Variants in DISP2 observed in about 807,000 individuals in gnomAD.
The protein encoded by DISP2 is dispatched RND transporter family member 2.
DISP2 carries 59 observed loss-of-function variants against 95.5 expected under a neutral mutation model. The ratio of observed to expected loss-of-function variants is 0.62; its 90% CI spans 0.50 to 0.77. DISP2 has a LOEUF of 0.77. DISP2 is among the 30% of genes least tolerant of loss of function. DISP2 has a pLI of 0.00. For missense variants in DISP2, 1,752 were observed against 1,854.6 expected (o/e 0.94, Z 1.02); for synonymous variants, 827 against 815.0 (o/e 1.01, Z -0.25).
In DISP2 at chr15:40,375,375, T is replaced by C. The variant is rs1269460236; in HGVS notation, c.*5057T>C. 1.3e-5 allele frequency: 2 copies of C among 152,080 alleles called. No homozygotes were observed. Among genetic ancestry groups the C allele is most frequent in the African/African-American group, 2.4e-5 (1 of 41,392 alleles). 9.4% of individuals were successfully genotyped at this position (152,080 alleles called of 1,614,324 possible). A position where few individuals can be genotyped will look rare whatever the true frequency, so the allele number is the denominator to read the frequency against. ...AAAGAAAATCACACAGCTGAGCAGA[T>C]TGATGTAGATTTGAATTCATGACCA... On this transcript the variant is annotated 3_prime_UTR_variant, in exon 8 of 8. Coordinates refer to ENST00000267889, the MANE Select transcript of DISP2 (RefSeq NM_033510.3).
In DISP2 at chr15:40,375,714, G is replaced by A. The variant is rs1419988681; in HGVS notation, c.*5396G>A. 3 of 152,212 alleles carry A rather than the reference G, an allele frequency of 2.0e-5. No individual in the cohort carries two copies. The highest frequency in any genetic ancestry group is 7.2e-5 in the African/African-American group (3 of 41,440). The allele number at this position is 152,212 out of a possible 1,614,324, so 9.4% of individuals were successfully genotyped here. On this transcript the variant is annotated 3_prime_UTR_variant, in exon 8 of 8. Transcript: ENST00000267889. ...CCATCAATGGCTTCTCACACTTGGT[G>A]TCAGAGGCCTTCACACGAGGGTTTG...
rs1431146234 is a variant in DISP2 at position 40,367,712 on chromosome 15, G to A, written c.1600G>A (p.Ala534Thr). The change falls in exon 8 of 8, where the codon GCC becomes ACC. Residue 534 changes from alanine to threonine, a missense_variant. Coordinates refer to ENST00000267889, the MANE Select transcript of DISP2 (RefSeq NM_033510.3). ...LLVAFFLYQV[A>T]FRMAYFPFVN... ...GGTGGCCTTCTTCCTTTACCAGGTG[G>A]CCTTCCGCATGGCCTACTTCCCCTT... 1 of 1,613,418 alleles carries A rather than the reference G, an allele frequency of 6.2e-7. No individual in the cohort carries two copies. Among genetic ancestry groups the A allele is most frequent in the African/African-American group, 1.3e-5 (1 of 74,920 alleles).
At chr15:40,364,733 G>A (rs1487536282) in intron 4 of DISP2, 105 bp from the exon 5 acceptor site, 1 of 1,396,374 alleles carries the variant, frequency 7.2e-7, no homozygotes, top group South Asian at 1.4e-5. Flanking sequence ...AGGCAGGCGG[G>A]CTGGCCTTCC....
At chr15:40,359,285 G>A (rs1889370347) in intron 1 of DISP2, among the ~76,000 whole-genome samples, 1 of 152,200 alleles carries the variant, frequency 6.6e-6, no homozygotes, top group Non-Finnish European at 1.5e-5. Context: ...GGCATTCCTT[G>A]ATAGCAATAG....
At chr15:40,363,147 C>CAA (rs5812160) in intron 1 of DISP2, among the ~76,000 whole-genome samples, 75 of 134,856 alleles carry the variant, frequency 5.6e-4, no homozygotes, top group East Asian at 5.5e-3. Context: ...ACTGAAAATA[C>CAA]AAAAAAAAAA....
chr15:40,358,449 G>A lies in DISP2; in HGVS notation c.119+9G>A, dbSNP rs956212345. The A allele has an allele frequency of 7.7e-7, 1 of 1,305,222 alleles. No homozygotes were observed. Among genetic ancestry groups the A allele is most frequent in the Non-Finnish European group, 9.7e-7 (1 of 1,025,964 alleles). The allele number at this position is 1,305,222 out of a possible 1,614,324, so 80.9% of individuals were successfully genotyped here. A position where few individuals can be genotyped will look rare whatever the true frequency, so the allele number is the denominator to read the frequency against. On this transcript the variant is annotated intron_variant, in intron 1 of 7. Coordinates refer to ENST00000267889, the MANE Select transcript of DISP2 (RefSeq NM_033510.3). ...GGCGGCTCCCCGGACAGGTAGGGCG[G>A]ACAGCTCCGCAGATCCGTATCACAG... is the stretch of plus-strand genomic sequence containing the variant.
At chr15:40,360,058 GC>G (rs1889383649) in intron 1 of DISP2, among the ~76,000 whole-genome samples, 1 of 152,202 alleles carries the variant, frequency 6.6e-6, no homozygotes, top group African/African-American at 2.4e-5. Flanking sequence ...CCCTTATGGG[GC>G]TTCCAGGTTT....
At chr15:40,363,534 T>C in intron 1 of DISP2, 91 bp from the exon 2 acceptor site, 1 of 949,966 alleles carries the variant, frequency 1.1e-6, no homozygotes, top group South Asian at 1.9e-5. Context: ...CCTGTCCCCT[T>C]GTCTTGTCTT....
chr15:40,370,180 C>G lies in DISP2; in HGVS notation c.4068C>G (p.Ser1356=). The G allele has an allele frequency of 6.2e-7, 1 of 1,612,188 alleles. No individual in the cohort carries two copies. Among genetic ancestry groups the G allele is most frequent in the Non-Finnish European group, 8.5e-7 (1 of 1,179,374 alleles). ...ETVYDPSLPA[S]HHSSLSWKGR... is the part of the protein sequence containing the mutation. ...TGTATGACCCATCATTGCCCGCTTC[C>G]CATCACAGCAGCTTGTCCTGGAAGG... The change falls in exon 8 of 8, where the codon TCC becomes TCG. Residue 1356 remains serine, a synonymous_variant. Coordinates refer to ENST00000267889, the MANE Select transcript of DISP2 (RefSeq NM_033510.3).
At position 40,375,534 on chromosome 15, in the gene DISP2, C is replaced by CAAAAAAAAAAAA. The variant is rs61597311; in HGVS notation, c.*5221_*5232dup. On this transcript the variant is annotated 3_prime_UTR_variant, in exon 8 of 8. Coordinates refer to ENST00000267889, the MANE Select transcript of DISP2 (RefSeq NM_033510.3). ...TCACCTTCCCCCACCCCTCAGTGGA[C>CAAAAAAAAAAAA]AAAAAAAAAAAAAAAATTCTTCATG... The CAAAAAAAAAAAA allele has an allele frequency of 1.1e-5, 1 of 93,676 alleles. No homozygotes were observed. The highest frequency in any genetic ancestry group is 2.3e-5 in the Non-Finnish European group (1 of 42,888). 5.8% of individuals were successfully genotyped at this position (93,676 alleles called of 1,614,324 possible).
chr15:40,367,384 G>C lies in DISP2; in HGVS notation c.1272G>C (p.Gln424His). Reference sequence around the variant, plus strand: ...TTGACAGGGACTTTCTGAGTCCCCAGACCACTGACTACCAGGTGCCTTCCC... The same window carrying C: ...TTGACAGGGACTTTCTGAGTCCCCACACCACTGACTACCAGGTGCCTTCCC... The part of the protein sequence containing the change: ...FLLDRDFLSP[Q>H]TTDYQVPSLK... The change falls in exon 8 of 8, where the codon CAG becomes CAC. Residue 424 changes from glutamine to histidine, a missense_variant. By Grantham distance (24) the Gln-to-His change is conservative. Coordinates refer to ENST00000267889, the MANE Select transcript of DISP2 (RefSeq NM_033510.3). 1 of 1,613,436 alleles carries C rather than the reference G, an allele frequency of 6.2e-7. No homozygotes were observed. Among genetic ancestry groups the C allele is most frequent in the South Asian group, 1.1e-5 (1 of 91,034 alleles).
In DISP2 at chr15:40,370,276, G is replaced by C; in HGVS notation, c.4164G>C (p.Trp1388Cys). 1 of 1,559,414 alleles carries C rather than the reference G, an allele frequency of 6.4e-7. No individual in the cohort carries two copies. The highest frequency in any genetic ancestry group is 8.7e-7 in the Non-Finnish European group (1 of 1,152,596). ...PNSQPDLPDVWLRRPSTHTSG... is the reference protein window; with the variant it reads ...PNSQPDLPDVCLRRPSTHTSG... ...GCCAGCCAGACCTGCCAGATGTTTG[G>C]CTGCGCAGGCCCAGCACTCACACGT... Residue 1388 changes from tryptophan to cysteine, a missense_variant, in exon 8 of 8, where the codon TGG becomes TGC. Coordinates refer to ENST00000267889, the MANE Select transcript of DISP2 (RefSeq NM_033510.3).
Position 40,370,044 on chromosome 15 carries a change from A to T in DISP2, c.3932A>T (p.Asp1311Val). 6.2e-7 allele frequency: 1 copy of T among 1,614,094 alleles called. No individual in the cohort carries two copies. Among genetic ancestry groups the T allele is most frequent in the Non-Finnish European group, 8.5e-7 (1 of 1,180,012 alleles). ...STSEPSARVPDSVGVSPDDLD... is the reference protein window; with the variant it reads ...STSEPSARVPVSVGVSPDDLD... ...TCTGAGCCCAGTGCCCGTGTACCAG[A>T]TTCCGTGGGTGTGTCCCCAGATGAC... The change falls in exon 8 of 8, where the codon GAT (aspartate) becomes GTT (valine). Residue 1311 changes from aspartate (D) to valine (V), a missense_variant. Around this residue, in one of 5 missense-constraint regions of DISP2, gnomAD observed 347 missense variants for 344.2 expected, o/e 1.01. Coordinates refer to ENST00000267889, the MANE Select transcript of DISP2 (RefSeq NM_033510.3).
Position 40,364,884 on chromosome 15 carries a change from G to A in DISP2, c.650G>A (p.Trp217Ter). ...DTDIGSKLVVWRALQALTGPR... is the reference protein window; with the variant it reads ...DTDIGSKLVV ...GACATTGGGAGCAAGTTAGTGGTCT[G>A]GAGAGCACTACAAGCCCTCACAGGC... The change falls in exon 5 of 8, where the codon TGG (tryptophan) becomes TAG (stop). Residue 217 changes from tryptophan (W) to a stop codon, truncating the protein, a stop_gained. Coordinates refer to ENST00000267889, the MANE Select transcript of DISP2 (RefSeq NM_033510.3). LOFTEE classifies it high-confidence loss of function. 2.5e-6 allele frequency: 4 copies of A among 1,614,108 alleles called. No individual in the cohort carries two copies. The highest frequency in any genetic ancestry group is 3.4e-6 in the Non-Finnish European group (4 of 1,179,998).
chr15:40,365,180 C>CAG lies in DISP2; in HGVS notation c.756_757dup (p.Gly253GlufsTer170). 1 of 1,614,174 alleles carries CAG rather than the reference C, an allele frequency of 6.2e-7. No homozygotes were observed. The highest frequency in any genetic ancestry group is 1.1e-5 in the South Asian group (1 of 91,080). On this transcript the variant is annotated frameshift_variant, in exon 6 of 8. Transcript: ENST00000267889. LOFTEE classifies it high-confidence loss of function. ...CCCACAACACTCTGAGGCCTGCACCCAGAGGCAGTGCCCAGGAGAGCGCTG... is the reference window on the plus strand; with the variant it reads ...CCCACAACACTCTGAGGCCTGCACCCAGAGAGGCAGTGCCCAGGAGAGCGCTG...
At position 40,365,709 on chromosome 15, in the gene DISP2, G is replaced by T. The variant is rs778292880; in HGVS notation, c.929G>T (p.Arg310Leu). 1 of 1,614,012 alleles carries T rather than the reference G, an allele frequency of 6.2e-7. No individual in the cohort carries two copies. Among genetic ancestry groups the T allele is most frequent in the Non-Finnish European group, 8.5e-7 (1 of 1,179,980 alleles). The change falls in exon 7 of 8, where the codon CGC (arginine) becomes CTC (leucine). Residue 310 changes from arginine (R) to leucine (L), a missense_variant. Physicochemically the swap from Arg to Leu is moderately radical, Grantham distance 102. Coordinates refer to ENST00000267889, the MANE Select transcript of DISP2 (RefSeq NM_033510.3). ...CTGCATGCCATCCATTCCATGTGTCGCATGGAACAGGACCAGGTGAGCTGG... is the reference window on the plus strand; with the variant it reads ...CTGCATGCCATCCATTCCATGTGTCTCATGGAACAGGACCAGGTGAGCTGG... ...WNLHAIHSMC[R>L]MEQDQIRSHT...
chr15:40,368,921 A>G lies in DISP2; in HGVS notation c.2809A>G (p.Met937Val). 6.2e-7 allele frequency: 1 copy of G among 1,613,854 alleles called. No individual in the cohort carries two copies. Among genetic ancestry groups the G allele is most frequent in the Non-Finnish European group, 8.5e-7 (1 of 1,180,030 alleles). Residue 937 changes from methionine (M) to valine (V), a missense_variant, in exon 8 of 8, where the codon ATG becomes GTG. This residue lies in a region of DISP2 where 317 missense variants were observed against 394.9 expected (regional missense o/e 0.80). Coordinates refer to ENST00000267889, the MANE Select transcript of DISP2 (RefSeq NM_033510.3). ...VSHWLAAELG[M>V]APPGLRRGWF... is the part of the protein sequence containing the mutation. ...CCACTGGCTGGCAGCGGAGCTGGGC[A>G]TGGCACCTCCAGGCCTCCGCCGTGG... is the stretch of plus-strand genomic sequence containing the variant.
rs372021067 is a variant in DISP2 at position 40,367,879 on chromosome 15, C to T, written c.1767C>T (p.Phe589=). ...AQRVGRTMHH[F]GYLLLVSGLT... is the part of the protein sequence containing the mutation. ...GCGTGGGCCGCACCATGCACCACTT[C>T]GGCTACCTGCTGCTGGTCTCCGGCC... The change falls in exon 8 of 8, where the codon TTC becomes TTT. Residue 589 remains phenylalanine (F), a synonymous_variant. Transcript: ENST00000267889. 3.1e-5 allele frequency: 49 copies of T among 1,599,230 alleles called. No homozygotes were observed. The highest frequency in any genetic ancestry group is 4.5e-5 in the East Asian group (2 of 44,858).
In DISP2 at chr15:40,369,252, AC is replaced by A; in HGVS notation, c.3142del (p.Arg1048AlafsTer2). Reference protein sequence around the residue: ...CISYHLCPHPDRLSRVAFSLR... With the variant: ...CISYHLCPHPXRLSRVAFSLR... Reference sequence around the variant, plus strand: ...TCCTATCACCTGTGCCCACACCCTGACCGCCTGAGCCGTGTGGCCTTCTCTC... The same window carrying A: ...TCCTATCACCTGTGCCCACACCCTGACGCCTGAGCCGTGTGGCCTTCTCTC... On this transcript the variant is annotated frameshift_variant, in exon 8 of 8. Coordinates refer to ENST00000267889, the MANE Select transcript of DISP2 (RefSeq NM_033510.3). LOFTEE classifies it high-confidence loss of function. 1 of 1,613,514 alleles carries A rather than the reference AC, an allele frequency of 6.2e-7. No individual in the cohort carries two copies. Among genetic ancestry groups the A allele is most frequent in the Non-Finnish European group, 8.5e-7 (1 of 1,179,968 alleles).
Sources: allele counts gnomAD v4.1 joint callset (sites outside exome capture counted in the v4.1 genomes callset), GRCh38; gene constraint gnomAD v4.1.1; regional missense constraint gnomAD v4.1.1; transcripts MANE v1.5; gene names NCBI Gene and HGNC (gene_info 2026-07-23, HGNC 2026-07-21).